The following GABRG3 variants were observed in gnomAD, a reference collection of about 807,000 sequenced individuals.
GABRG3 encodes gamma-aminobutyric acid receptor subunit gamma-3.
In GABRG3, 25 loss-of-function variants were observed where a neutral mutation model predicts 48.8. The ratio of observed to expected loss-of-function variants is 0.51; its 90% CI spans 0.37 to 0.72. GABRG3 has a LOEUF of 0.72. GABRG3 is among the 30% of genes least tolerant of loss of function. The pLI, the probability that GABRG3 is intolerant of heterozygous loss-of-function variation, is 0.00. For missense variants in GABRG3, 394 were observed against 577.9 expected (o/e 0.68, Z 3.26); for synonymous variants, 227 against 217.6 (o/e 1.04, Z -0.38).
chr15:27,261,102 A>C (rs981984406), intron 3 of GABRG3, among the ~76,000 whole-genome samples: 1 of 152,194 alleles, frequency 6.6e-6, no homozygotes, highest in African/African-American at 2.4e-5. Context: ...GCAAACTTTA[A>C]TTATGTTTAT....
In GABRG3 at chr15:27,319,358, G is replaced by A. The variant is rs1893342278; in HGVS notation, c.271-7451G>A. ...TATTGTTGTGAACATTGGGTACAGT[G>A]GGGCTATGTCAATTATTTGGAAAGT... On this transcript the variant is annotated intron_variant, in intron 3 of 9. Coordinates refer to ENST00000615808, the MANE Select transcript of GABRG3 (RefSeq NM_033223.5). This position sits in a 1 kb window ranked among gnomAD's most constrained non-coding sequence, Gnocchi z 4.4. Among the ~76,000 whole-genome samples, 1 of 152,156 alleles carries A rather than the reference G, an allele frequency of 6.6e-6. No homozygotes were observed. The highest frequency in any genetic ancestry group is 2.1e-4 in the South Asian group (1 of 4,818).
chr15:27,166,567 T>G (rs1476551974), intron 3 of GABRG3, among the ~76,000 whole-genome samples: 1 of 152,048 alleles, frequency 6.6e-6, no homozygotes, highest in African/African-American at 2.4e-5. Context: ...GAAGGCCGTG[T>G]GTGGAATGAT....
intron 3 of GABRG3, among the ~76,000 whole-genome samples, chr15:27,161,975 A>C (rs1887208501): frequency 6.6e-6 from 1 of 152,140 alleles, no homozygotes; most frequent in Non-Finnish European, 1.5e-5. Context: ...GTCTTTAAGG[A>C]ACTTAAAAAT....
intron 3 of GABRG3, among the ~76,000 whole-genome samples, chr15:27,054,612 G>A (rs999822175): frequency 4.6e-5 from 7 of 152,140 alleles, no homozygotes; most frequent in Non-Finnish European, 8.8e-5. Flanking sequence ...GTGCCGCCCT[G>A]ACTCCCATAC....
At chr15:27,385,615 A>G (rs1037150302) in intron 5 of GABRG3, among the ~76,000 whole-genome samples, 1 of 152,070 alleles carries the variant, frequency 6.6e-6, no homozygotes, top group Admixed American at 6.5e-5. Context: ...CTGAATGATC[A>G]TTAAGTTCAC....
At chr15:27,003,024 CT>C (rs1350203105) in intron 2 of GABRG3, among the ~76,000 whole-genome samples, 3 of 151,660 alleles carry the variant, frequency 2.0e-5, no homozygotes, top group East Asian at 1.9e-4. Flanking sequence ...CCATATGCCC[CT>C]ATCCAGAAAC....
chr15:27,174,621 T>TCTCTCA (rs1887687597), intron 3 of GABRG3, among the ~76,000 whole-genome samples: 3 of 150,218 alleles, frequency 2.0e-5, no homozygotes, highest in Admixed American at 2.0e-4. Flanking sequence ...TCTCTCTCAC[T>TCTCTCA]CTCACATCTT....
intron 5 of GABRG3, among the ~76,000 whole-genome samples, chr15:27,353,554 C>T (rs1312239663): frequency 1.3e-5 from 2 of 152,002 alleles, no homozygotes; most frequent in East Asian, 3.9e-4. Context: ...AGCAATTCTC[C>T]TACCTCAGCC....
At chr15:27,248,412 C>T (rs1363336927) in intron 3 of GABRG3, among the ~76,000 whole-genome samples, 2 of 152,140 alleles carry the variant, frequency 1.3e-5, no homozygotes, top group African/African-American at 2.4e-5. Flanking sequence ...TCTGGCCTCC[C>T]ACTAGTCCTG....
At chr15:27,507,854 A>G (rs1380278024) in intron 6 of GABRG3, among the ~76,000 whole-genome samples, 1 of 152,186 alleles carries the variant, frequency 6.6e-6, no homozygotes, top group Admixed American at 6.5e-5. Context: ...TGATAAGTAC[A>G]TACACATTAA....
At chr15:27,320,437 C>T (rs531869259) in intron 3 of GABRG3, among the ~76,000 whole-genome samples, 6 of 152,206 alleles carry the variant, frequency 3.9e-5, no homozygotes, top group Non-Finnish European at 8.8e-5. Flanking sequence ...AAACCTGGAG[C>T]CCACAGCTTG....
intron 3 of GABRG3, among the ~76,000 whole-genome samples, chr15:27,293,744 C>T (rs1891880600): frequency 1.3e-5 from 2 of 151,546 alleles, no homozygotes; most frequent in Non-Finnish European, 2.9e-5. Flanking sequence ...AGGGATTATG[C>T]ATATTCAACT....
At chr15:27,100,279 A>G (rs924483337) in intron 3 of GABRG3, among the ~76,000 whole-genome samples, 10 of 152,106 alleles carry the variant, frequency 6.6e-5, no homozygotes, top group Non-Finnish European at 8.8e-5. Context: ...ACTATCTACC[A>G]ATAAAAGAAG....
Position 27,255,259 on chromosome 15 carries a change from G to T in GABRG3, c.271-71550G>T, listed in dbSNP as rs181236125. ...CACCCTTCTGCCTCTTACCCCCTGG[G>T]CTGGATTCCTCCTCGAGAATGTCCT... On this transcript the variant is annotated intron_variant, in intron 3 of 9. Coordinates refer to ENST00000615808, the MANE Select transcript of GABRG3 (RefSeq NM_033223.5). Among the ~76,000 whole-genome samples, 260 of 152,286 alleles carry T rather than the reference G, an allele frequency of 1.7e-3. 1 individual carries two copies. The highest frequency in any genetic ancestry group is 3.4e-3 in the Middle Eastern group (1 of 294).
At chr15:27,378,156 G>A (rs1895657749) in intron 5 of GABRG3, among the ~76,000 whole-genome samples, 1 of 152,086 alleles carries the variant, frequency 6.6e-6, no homozygotes, top group South Asian at 2.1e-4. Context: ...ATCAGCATAG[G>A]CTCCAGGTGA....
intron 3 of GABRG3, among the ~76,000 whole-genome samples, chr15:27,235,320 C>T (rs1889924745): frequency 6.6e-6 from 1 of 152,034 alleles, no homozygotes; most frequent in African/African-American, 2.4e-5. Flanking sequence ...CATAGGTCAA[C>T]CTAGTTCACA....
chr15:27,450,428 T>G (rs1889074758), intron 5 of GABRG3, among the ~76,000 whole-genome samples: 1 of 152,140 alleles, frequency 6.6e-6, no homozygotes, highest in Non-Finnish European at 1.5e-5. Flanking sequence ...TCAATCCACA[T>G]GATACATCAC....
chr15:26,995,093 A>C (rs1283152770), intron 2 of GABRG3, among the ~76,000 whole-genome samples: 2 of 152,066 alleles, frequency 1.3e-5, no homozygotes, highest in African/African-American at 4.8e-5. Flanking sequence ...TTCCCCTTTC[A>C]ATTATGTCAG....
At chr15:27,023,016 T>C (rs1299753767) in intron 2 of GABRG3, among the ~76,000 whole-genome samples, 3 of 152,214 alleles carry the variant, frequency 2.0e-5, no homozygotes, top group Non-Finnish European at 1.5e-5. Context: ...GGTTCACATA[T>C]GCTGCACAAC....
Sources: allele counts gnomAD v4.1 joint callset (sites outside exome capture counted in the v4.1 genomes callset), GRCh38; gene constraint gnomAD v4.1.1; non-coding constraint Gnocchi (gnomAD v3.1); transcripts MANE v1.5; gene names NCBI Gene and HGNC (gene_info 2026-07-23, HGNC 2026-07-21).